The following ZNF416 variants were observed in gnomAD, a reference collection of about 807,000 sequenced individuals.
ZNF416 encodes zinc finger protein 416.
ZNF416 carries 5 observed loss-of-function variants against 10.9 expected under a neutral mutation model. That is an observed-to-expected ratio of 0.46 (90% confidence interval 0.24 to 0.97). The LOEUF (loss-of-function observed/expected upper bound fraction) is 0.97, where lower values mean the gene tolerates loss of function less well. Ranked by LOEUF, ZNF416 falls within the 50% of genes least tolerant of loss-of-function variation. The probability of loss-of-function intolerance (pLI) is 0.19; values close to 1 mark genes in which losing one functional copy is unlikely to be tolerated. For missense variants in ZNF416, 675 were observed against 715.0 expected (o/e 0.94, Z 0.64); for synonymous variants, 267 against 251.8 (o/e 1.06, Z -0.57).
chr19:57,576,770 T>C (rs1303676233), intron 2 of ZNF416, among the ~76,000 whole-genome samples: 1 of 152,040 alleles, frequency 6.6e-6, no homozygotes, highest in African/African-American at 2.4e-5. Flanking sequence ...CTCCCTGAAA[T>C]TCCTGACACC....
At position 57,572,011 on chromosome 19, in the gene ZNF416, T is replaced by C; in HGVS notation, c.*108A>G. On this transcript the variant is annotated 3_prime_UTR_variant, in exon 4 of 4. Coordinates refer to ENST00000196489, the MANE Select transcript of ZNF416 (RefSeq NM_017879.3). The surrounding 1 kb of genome is among the most constrained non-coding windows in gnomAD (Gnocchi z 4.5). ...GGTCTAGAAGTATGAGGTTTAACTT[T>C]AGGCAGACGGCTCCTTCACAAAGGC... is the stretch of plus-strand genomic sequence containing the variant. 7 of 1,432,212 alleles carry C rather than the reference T, an allele frequency of 4.9e-6. No individual in the cohort carries two copies. The highest frequency in any genetic ancestry group is 2.3e-5 in the East Asian group (1 of 43,656). The allele number at this position is 1,432,212 out of a possible 1,614,324, so 88.7% of individuals were successfully genotyped here.
In ZNF416 at chr19:57,572,787, G is replaced by A; in HGVS notation, c.1117C>T (p.Gln373Ter). The change falls in exon 4 of 4, where the codon CAG becomes TAG. Residue 373 changes from glutamine to a stop codon, truncating the protein, a stop_gained. Coordinates refer to ENST00000196489, the MANE Select transcript of ZNF416 (RefSeq NM_017879.3). LOFTEE classifies it low-confidence loss of function (END_TRUNC). The surrounding 1 kb of genome is among the most constrained non-coding windows in gnomAD (Gnocchi z 4.5). ...GGCTTTTCTCCTGTGTGAGTTCTCT[G>A]GTGTCGAACAAGAGTGGATTTGGAC... is the stretch of plus-strand genomic sequence containing the variant. ...FGSKSTLVRHQRTHTGEKPYE... is the reference protein window; with the variant it reads ...FGSKSTLVRH 9 of 1,614,056 alleles carry A rather than the reference G, an allele frequency of 5.6e-6. No homozygotes were observed. The highest frequency in any genetic ancestry group is 6.8e-6 in the Non-Finnish European group (8 of 1,180,006).
rs755305486 is a variant in ZNF416 at position 57,573,478 on chromosome 19, A to T, written c.426T>A (p.His142Gln). 1 of 1,614,194 alleles carries T rather than the reference A, an allele frequency of 6.2e-7. No individual in the cohort carries two copies. The highest frequency in any genetic ancestry group is 1.3e-5 in the African/African-American group (1 of 75,060). Residue 142 changes from histidine (H) to glutamine (Q), a missense_variant, in exon 4 of 4, where the codon CAT becomes CAA. Physicochemically the swap from His to Gln is conservative, Grantham distance 24 (BLOSUM62 0). Coordinates refer to ENST00000196489, the MANE Select transcript of ZNF416 (RefSeq NM_017879.3). ...ACAVFHQDQKHHSAEKPLESD... is the reference protein window; with the variant it reads ...ACAVFHQDQKQHSAEKPLESD... ...TTTCCAAGGGTTTCTCTGCACTATG[A>T]TGCTTCTGGTCCTGGTGAAAGACCG...
rs781567306 is a variant in ZNF416, at chr19:57,578,715, G to C, written c.-11C>G. ...CACGGCCGCCGCCATCGGATTGTGA[G>C]CGGAGCGGGGCCGGGAGCGGCGGGC... On this transcript the variant is annotated 5_prime_UTR_variant, in exon 1 of 4. Coordinates refer to ENST00000196489, the MANE Select transcript of ZNF416 (RefSeq NM_017879.3). 4.2e-5 allele frequency: 63 copies of C among 1,504,760 alleles called. No individual in the cohort carries two copies. The Admixed American group carries it at 1.2e-3, about 29-fold the overall frequency. 93.2% of individuals were successfully genotyped at this position (1,504,760 alleles called of 1,614,324 possible).
In ZNF416 at chr19:57,573,489, C is replaced by T. The variant is rs758884586; in HGVS notation, c.415G>A (p.Asp139Asn). ...LTGACAVFHQ[D>N]QKHHSAEKPL... Reference sequence around the variant, plus strand: ...TTCTCTGCACTATGATGCTTCTGGTCCTGGTGAAAGACCGCACATGCCCCA... The same window carrying T: ...TTCTCTGCACTATGATGCTTCTGGTTCTGGTGAAAGACCGCACATGCCCCA... Residue 139 changes from aspartate to asparagine, a missense_variant, in exon 4 of 4, where the codon GAC (aspartate) becomes AAC (asparagine). By Grantham distance (23) the Asp-to-Asn change is conservative. Coordinates refer to ENST00000196489, the MANE Select transcript of ZNF416 (RefSeq NM_017879.3). 3.1e-6 allele frequency: 5 copies of T among 1,614,206 alleles called. No homozygotes were observed. The South Asian group carries it at 3.3e-5, about 11-fold the overall frequency.
At chr19:57,574,874 G>A (rs186451983) in intron 3 of ZNF416, among the ~76,000 whole-genome samples, 29 of 152,216 alleles carry the variant, frequency 1.9e-4, no homozygotes, top group East Asian at 1.2e-3. Context: ...TTCCAATTGC[G>A]ATCTTGTGTT....
At chr19:57,573,948 C>T (rs906465308) in intron 3 of ZNF416, among the ~76,000 whole-genome samples, 24 of 152,024 alleles carry the variant, frequency 1.6e-4, no homozygotes, top group Admixed American at 1.0e-3. Flanking sequence ...TGCTTGAATC[C>T]GGGAGGCAGA....
rs148824391 is a variant in ZNF416 at position 57,576,500 on chromosome 19, C to T, written c.76-570G>A. ...TGCCACTCAGGCTGAATGGTCCCCA[C>T]TGCCAAAGGCAGCCCTTCAGAGACC... On this transcript the variant is annotated intron_variant, in intron 2 of 3. Coordinates refer to ENST00000196489, the MANE Select transcript of ZNF416 (RefSeq NM_017879.3). Among the ~76,000 whole-genome samples the T allele has an allele frequency of 6.2e-3, 950 of 152,248 alleles. 9 individuals are homozygous for T. Among genetic ancestry groups the T allele is most frequent in the South Asian group, 0.017 (81 of 4,822 alleles).
intron 3 of ZNF416, 102 bp from the exon 4 acceptor site, chr19:57,573,803 A>C (rs1012081023): frequency 2.0e-5 from 29 of 1,458,158 alleles, no homozygotes; most frequent in Non-Finnish European, 2.6e-5. Flanking sequence ...CTGACATCTT[A>C]AAAACTTTGC....
In ZNF416 at chr19:57,572,932, C is replaced by T; in HGVS notation, c.972G>A (p.Arg324=). The T allele has an allele frequency of 6.2e-7, 1 of 1,614,158 alleles. No homozygotes were observed. The highest frequency in any genetic ancestry group is 8.5e-7 in the Non-Finnish European group (1 of 1,180,032). The change falls in exon 4 of 4, where the codon AGG becomes AGA. Residue 324 remains arginine, a synonymous_variant. Transcript: ENST00000196489. This position sits in a 1 kb window ranked among gnomAD's most constrained non-coding sequence, Gnocchi z 4.5. ...IKHHRVHTGE[R]PYECGECGKS... ...TCCCACATTCACCACACTCGTAAGG[C>T]CTTTCTCCAGTGTGAACTCTGTGAT...
Position 57,573,403 on chromosome 19 carries a change from T to A in ZNF416, c.501A>T (p.Ser167=). The change falls in exon 4 of 4, where the codon TCA becomes TCT. Residue 167 remains serine, a synonymous_variant. Transcript: ENST00000196489. ...CCTCACTGCTGGTGAAAGGCATTCC[T>A]GACTCATGGAACAGGCAGCACTGCA... The part of the protein sequence containing the change: ...SFVQCCLFHE[S]GMPFTSSEVG... 6.2e-7 allele frequency: 1 copy of A among 1,614,256 alleles called. No individual in the cohort carries two copies. Among genetic ancestry groups the A allele is most frequent in the Non-Finnish European group, 8.5e-7 (1 of 1,180,050 alleles).
Position 57,573,565 on chromosome 19 carries a change from C to A in ZNF416, c.339G>T (p.Leu113=). The A allele has an allele frequency of 6.2e-7, 1 of 1,614,162 alleles. No individual in the cohort carries two copies. The highest frequency in any genetic ancestry group is 1.1e-5 in the South Asian group (1 of 91,068). ...AATCGGTCAGGTGCAAAATGTCGGT[C>A]AGGAATGGGACACACATGTCACAGG... The part of the protein sequence containing the change: ...IQSCDMCVPF[L]TDILHLTDLP... Residue 113 remains leucine, a synonymous_variant, in exon 4 of 4, where the codon CTG becomes CTT. Coordinates refer to ENST00000196489, the MANE Select transcript of ZNF416 (RefSeq NM_017879.3).
intron 2 of ZNF416, among the ~76,000 whole-genome samples, chr19:57,577,209 A>C (rs1978569025): frequency 6.6e-6 from 1 of 152,152 alleles, no homozygotes. Context: ...CTTCATGTCT[A>C]AACTAACTGT....
At position 57,578,743 on chromosome 19, in the gene ZNF416, C is replaced by T; in HGVS notation, c.-39G>A. 1 of 1,442,114 alleles carries T rather than the reference C, an allele frequency of 6.9e-7. No individual in the cohort carries two copies. Among genetic ancestry groups the T allele is most frequent in the Non-Finnish European group, 9.2e-7 (1 of 1,092,080 alleles). The allele number at this position is 1,442,114 out of a possible 1,614,324, so 89.3% of individuals were successfully genotyped here. A position where few individuals can be genotyped will look rare whatever the true frequency, so the allele number is the denominator to read the frequency against. On this transcript the variant is annotated 5_prime_UTR_variant, in exon 1 of 4. Coordinates refer to ENST00000196489, the MANE Select transcript of ZNF416 (RefSeq NM_017879.3). ...GAGCGGGGCCGGGAGCGGCGGGCGACCCGGGGCGGGAACCCAGGCACGGCT... is the reference window on the plus strand; with the variant it reads ...GAGCGGGGCCGGGAGCGGCGGGCGATCCGGGGCGGGAACCCAGGCACGGCT...
At chr19:57,574,212 T>C (rs908124506) in intron 3 of ZNF416, among the ~76,000 whole-genome samples, 1 of 152,158 alleles carries the variant, frequency 6.6e-6, no homozygotes, top group African/African-American at 2.4e-5. Flanking sequence ...GAGCTAATAT[T>C]CCTCTGCTCT....
Position 57,575,910 on chromosome 19 carries a change from G to A in ZNF416, c.96C>T (p.Asp32=), listed in dbSNP as rs140090288. 82 of 1,613,766 alleles carry A rather than the reference G, an allele frequency of 5.1e-5. No homozygotes were observed. Among genetic ancestry groups the A allele is most frequent in the Admixed American group, 1.0e-4 (6 of 59,994 alleles). Residue 32 remains aspartate (D), a synonymous_variant, in exon 3 of 4, where the codon GAC becomes GAT. Coordinates refer to ENST00000196489, the MANE Select transcript of ZNF416 (RefSeq NM_017879.3). The surrounding 1 kb of genome is among the most constrained non-coding windows in gnomAD (Gnocchi z 4.4). Reference sequence around the variant, plus strand: ...CTTCCTGGGAGAAGTAAATGGCCACGTCCTCAAAGGTCACACAGCCCTGCC... The same window carrying A: ...CTTCCTGGGAGAAGTAAATGGCCACATCCTCAAAGGTCACACAGCCCTGCC... The part of the protein sequence containing the change: ...GFTQGCVTFE[D]VAIYFSQEEW...
chr19:57,573,247 T>C lies in ZNF416; in HGVS notation c.657A>G (p.Gln219=). The C allele has an allele frequency of 6.2e-7, 1 of 1,614,268 alleles. No homozygotes were observed. Among genetic ancestry groups the C allele is most frequent in the Non-Finnish European group, 8.5e-7 (1 of 1,180,044 alleles). Residue 219 remains glutamine (Q), a synonymous_variant, in exon 4 of 4, where the codon CAA becomes CAG. Transcript: ENST00000196489. The part of the protein sequence containing the change: ...HVGISHYKWS[Q]CRRESSHKHT... ...GTTTGTGGCTGGACTCTCTCCTGCA[T>C]TGACTCCACTTGTAATGACTTATTC...
At position 57,571,599 on chromosome 19, in the gene ZNF416, A is replaced by C. The variant is rs1210406569; in HGVS notation, c.*520T>G. ...AAAATAAGGCCTTTATTACCACACAAACCAGAGCAATGTGAGGCAGCCAGT... is the reference window on the plus strand; with the variant it reads ...AAAATAAGGCCTTTATTACCACACACACCAGAGCAATGTGAGGCAGCCAGT... On this transcript the variant is annotated 3_prime_UTR_variant, in exon 4 of 4. Transcript: ENST00000196489. 6.3e-6 allele frequency: 1 copy of C among 157,800 alleles called. No individual in the cohort carries two copies. Among genetic ancestry groups the C allele is most frequent in the Non-Finnish European group, 1.4e-5 (1 of 71,058 alleles). The allele number at this position is 157,800 out of a possible 1,614,324, so 9.8% of individuals were successfully genotyped here.
In ZNF416 at chr19:57,573,138, A is replaced by G. The variant is rs1485415876; in HGVS notation, c.766T>C (p.Ser256Pro). 3 of 1,614,074 alleles carry G rather than the reference A, an allele frequency of 1.9e-6. No individual in the cohort carries two copies. The highest frequency in any genetic ancestry group is 2.5e-6 in the Non-Finnish European group (3 of 1,180,042). ...TGGACTCTTTGCAGCTGAACAAGGG[A>G]GCACTCACAGCAGCAGGCTTTCCCA... Reference protein sequence around the residue: ...KCGKACCCECSLVQLQRVHPG... With the variant: ...KCGKACCCECPLVQLQRVHPG... Residue 256 changes from serine to proline, a missense_variant, in exon 4 of 4, where the codon TCC (serine) becomes CCC (proline). Transcript: ENST00000196489.
Sources: allele counts gnomAD v4.1 joint callset (sites outside exome capture counted in the v4.1 genomes callset), GRCh38; gene constraint gnomAD v4.1.1; non-coding constraint Gnocchi (gnomAD v3.1); transcripts MANE v1.5; gene names NCBI Gene and HGNC (gene_info 2026-07-23, HGNC 2026-07-21).